TTLL7: variants seen among roughly 807,000 people sequenced by gnomAD.
TTLL7 encodes tubulin polyglutamylase TTLL7.
TTLL7 carries 53 observed loss-of-function variants against 120.2 expected under a neutral mutation model. The ratio of observed to expected loss-of-function variants is 0.44; its 90% CI spans 0.35 to 0.55. The LOEUF (loss-of-function observed/expected upper bound fraction) is 0.55, where lower values mean the gene tolerates loss of function less well. Ranked by LOEUF, TTLL7 falls within the 20% of genes least tolerant of loss-of-function variation. TTLL7 has a pLI of 0.00. For synonymous variants in TTLL7, 353 were observed against 351.7 expected (o/e 1.00, Z -0.04); for missense variants, 803 against 1,054.7 (o/e 0.76, Z 3.31).
intron 5 of TTLL7, 21 bp downstream of exon 5, chr1:83,948,607 T>C: frequency 6.4e-7 from 1 of 1,554,428 alleles, no homozygotes; most frequent in Non-Finnish European, 8.9e-7. Context: ...GTCTTCTCCA[T>C]TACAAGAAAA....
At chr1:83,911,779 A>G (rs1014582367) in intron 14 of TTLL7, among the ~76,000 whole-genome samples, 3 of 152,022 alleles carry the variant, frequency 2.0e-5, no homozygotes, top group African/African-American at 7.2e-5. Flanking sequence ...GAGTTACTCA[A>G]TAAATGTGTA....
intron 19 of TTLL7, among the ~76,000 whole-genome samples, chr1:83,888,732 T>A (rs1202489171): frequency 6.6e-6 from 1 of 151,742 alleles, no homozygotes; most frequent in African/African-American, 2.4e-5. Flanking sequence ...GGAGCACAAT[T>A]CAAGTAGGAG....
chr1:83,897,873 A>AAAC (rs1656383901), intron 18 of TTLL7, among the ~76,000 whole-genome samples: 1 of 151,484 alleles, frequency 6.6e-6, no homozygotes, highest in Non-Finnish European at 1.5e-5. Flanking sequence ...ATTAAAAAAA[A>AAAC]AAAAAAAAAA....
intron 20 of TTLL7, among the ~76,000 whole-genome samples, chr1:83,874,312 C>T (rs1047941146): frequency 6.6e-6 from 1 of 152,006 alleles, no homozygotes; most frequent in African/African-American, 2.4e-5. Flanking sequence ...AATTTCAGTC[C>T]ATACTGTGGC....
intron 8 of TTLL7, among the ~76,000 whole-genome samples, chr1:83,934,254 T>TA (rs1233684578): frequency 6.6e-6 from 1 of 152,216 alleles, no homozygotes; most frequent in African/African-American, 2.4e-5. Flanking sequence ...CAAGTAAATC[T>TA]ACTACTTTGT....
intron 18 of TTLL7, chr1:83,900,287 A>G (rs570502039): frequency 1.1e-5 from 3 of 275,732 alleles, no homozygotes; most frequent in Non-Finnish European, 2.2e-5. Flanking sequence ...ACAAAAATTG[A>G]TAGAAAGCCT....
chr1:83,933,160 C>T (rs553322336), intron 9 of TTLL7, among the ~76,000 whole-genome samples: 2 of 151,944 alleles, frequency 1.3e-5, no homozygotes, highest in Admixed American at 1.3e-4. Flanking sequence ...CCTGGGGTAT[C>T]GAATACTGAA....
At chr1:83,933,579 C>T in intron 9 of TTLL7, 29 bp downstream of exon 9, 1 of 1,603,512 alleles carries the variant, frequency 6.2e-7, no homozygotes, top group Non-Finnish European at 8.5e-7. Flanking sequence ...ACAGTGATAA[C>T]TCTTCTTTTT....
At chr1:83,910,027 G>GTAAA (rs948897999) in intron 15 of TTLL7, among the ~76,000 whole-genome samples, 2 of 151,998 alleles carry the variant, frequency 1.3e-5, no homozygotes, top group African/African-American at 4.8e-5. Context: ...AAATGAATAA[G>GTAAA]TAAATAAATA....
chr1:83,948,217 C>T (rs1648703905), intron 5 of TTLL7, among the ~76,000 whole-genome samples: 1 of 123,748 alleles, frequency 8.1e-6, no homozygotes, highest in Non-Finnish European at 1.8e-5. Context: ...ACACACACAG[C>T]TTATAATGCA....
intron 19 of TTLL7, among the ~76,000 whole-genome samples, chr1:83,887,841 G>A (rs1036320941): frequency 3.3e-5 from 5 of 151,980 alleles, no homozygotes; most frequent in African/African-American, 1.2e-4. Context: ...ATCTGTAAAT[G>A]ACGGTAATAA....
intron 1 of TTLL7, among the ~76,000 whole-genome samples, chr1:83,955,585 A>T (rs79886559): frequency 0.042 from 6,339 of 152,250 alleles, 157 homozygotes; most frequent in Middle Eastern, 0.099. Flanking sequence ...ACCGTCAATA[A>T]ACCTGCCACC....
intron 1 of TTLL7, among the ~76,000 whole-genome samples, chr1:83,988,813 A>G (rs1316784256): frequency 6.6e-6 from 1 of 151,718 alleles, no homozygotes; most frequent in African/African-American, 2.4e-5. Context: ...GATTCAAGCT[A>G]TTCTCCTGCC....
At position 83,906,646 on chromosome 1, in the gene TTLL7, G is replaced by C. The variant is rs1355584296; in HGVS notation, c.1993-183C>G. On this transcript the variant is annotated intron_variant, in intron 16 of 20. Transcript: ENST00000260505. ...GATTAAATGGATATGAATCCCAAGA[G>C]TGTCTTTCACACTTCCACAAGGTTA... 1.8e-5 allele frequency: 13 copies of C among 735,854 alleles called. No individual in the cohort carries two copies. The African/African-American group carries it at 2.1e-4, about 12-fold the overall frequency. The allele number at this position is 735,854 out of a possible 1,614,324, so 45.6% of individuals were successfully genotyped here.
Position 83,942,615 on chromosome 1 carries a change from T to C in TTLL7, c.571A>G (p.Ile191Val). 2 of 1,613,982 alleles carry C rather than the reference T, an allele frequency of 1.2e-6. No individual in the cohort carries two copies. Among genetic ancestry groups the C allele is most frequent in the East Asian group, 4.5e-5 (2 of 44,846 alleles). Reference protein sequence around the residue: ...SQDHLIVQEYIEKPFLMEGYK... With the variant: ...SQDHLIVQEYVEKPFLMEGYK... Reference sequence around the variant, plus strand: ...CCTTCCATTAGGAAAGGCTTTTCAATGTATTCTTGAACAATCAAATGATCC... The same window carrying C: ...CCTTCCATTAGGAAAGGCTTTTCAACGTATTCTTGAACAATCAAATGATCC... The change falls in exon 7 of 21, where the codon ATT (isoleucine) becomes GTT (valine). Residue 191 changes from isoleucine to valine, a missense_variant. Coordinates refer to ENST00000260505, the MANE Select transcript of TTLL7 (RefSeq NM_024686.6).
chr1:83,899,590 T>A (rs1656541502), intron 18 of TTLL7, among the ~76,000 whole-genome samples: 1 of 151,984 alleles, frequency 6.6e-6, no homozygotes, highest in South Asian at 2.1e-4. Context: ...ATTGTCTATG[T>A]AGAAGAATGA....
chr1:83,949,707 C>A (rs762300753), intron 4 of TTLL7, 158 bp downstream of exon 4: 199 of 688,632 alleles, frequency 2.9e-4, no homozygotes, highest in Non-Finnish European at 4.3e-4. Flanking sequence ...AGGCTTCATG[C>A]AAAGAGCCAA....
At chr1:83,892,319 AAT>A (rs1380412918) in intron 18 of TTLL7, among the ~76,000 whole-genome samples, 1 of 38,108 alleles carries the variant, frequency 2.6e-5, no homozygotes, top group Non-Finnish European at 5.8e-5. Flanking sequence ...AATATATATG[AAT>A]ATATATGTAT....
At chr1:83,939,081 G>T (rs938294440) in intron 7 of TTLL7, among the ~76,000 whole-genome samples, 24 of 152,030 alleles carry the variant, frequency 1.6e-4, no homozygotes, top group Admixed American at 1.6e-3. Context: ...CAATATTTAA[G>T]GAACACCTAT....
Sources: gnomAD v4.1 joint callset for allele counts (sites outside exome capture counted in the v4.1 genomes callset) on GRCh38, gnomAD v4.1.1 for gene constraint, MANE v1.5 for transcripts, NCBI Gene and HGNC (gene_info 2026-07-23, HGNC 2026-07-21) for gene names.